The following CEP112 variants were observed in gnomAD, a reference collection of about 807,000 sequenced individuals.
CEP112 encodes centrosomal protein of 112 kDa.
In CEP112, 127 loss-of-function variants were observed where a neutral mutation model predicts 153.0. The ratio of observed to expected loss-of-function variants is 0.83; its 90% CI spans 0.72 to 0.96. The LOEUF is 0.96. Among genes scored for constraint, CEP112 ranks in the 40% least tolerant of loss-of-function variants. The probability of loss-of-function intolerance (pLI) is 0.00; values close to 1 mark genes in which losing one functional copy is unlikely to be tolerated. For synonymous variants in CEP112, 358 were observed against 374.4 expected, an observed-to-expected ratio of 0.96 and a Z score of 0.51; for missense variants, 1,089 against 1,101.2, an observed-to-expected ratio of 0.99 and a Z score of 0.16.
At chr17:66,062,875 T>C (rs1444720571) in intron 11 of CEP112, 88 bp downstream of exon 11, 3 of 622,948 alleles carry the variant, frequency 4.8e-6, no homozygotes, top group East Asian at 3.1e-5. Context: ...TTTCTGTATA[T>C]TCTGTGAAAT....
Position 66,030,586 on chromosome 17 carries a change from C to A in CEP112, c.1219-563G>T, listed in dbSNP as rs1018224030. ...AAGATTTTTATTCATTTTTTAACAT[C>A]TTTGCCGTTTTGTAAAATGCACTTC... On this transcript the variant is annotated intron_variant, in intron 12 of 26. Coordinates refer to ENST00000535342, the MANE Select transcript of CEP112 (RefSeq NM_001199165.4). Among the ~76,000 whole-genome samples the A allele has an allele frequency of 1.8e-4, 28 of 151,854 alleles. 1 individual carries two copies. The highest frequency in any genetic ancestry group is 2.4e-4 in the Non-Finnish European group (16 of 67,920).
intron 21 of CEP112, among the ~76,000 whole-genome samples, chr17:65,787,852 A>T (rs544803686): frequency 2.0e-5 from 3 of 152,224 alleles, no homozygotes; most frequent in Non-Finnish European, 4.4e-5. Context: ...ACAGACAATC[A>T]TATCATCAGT....
intron 20 of CEP112, among the ~76,000 whole-genome samples, chr17:65,870,274 G>C (rs369363424): frequency 5.3e-5 from 8 of 152,114 alleles, no homozygotes; most frequent in African/African-American, 1.9e-4. Flanking sequence ...GAAATTTCTA[G>C]TTTTATTTTA....
chr17:65,654,008 G>A (rs371862141), intron 24 of CEP112, among the ~76,000 whole-genome samples: 184 of 138,406 alleles, frequency 1.3e-3, no homozygotes, highest in African/African-American at 4.1e-3. Context: ...GCAGTAAGCC[G>A]AGATTGCGCC....
At chr17:66,046,419 A>C (rs2066212912) in intron 12 of CEP112, among the ~76,000 whole-genome samples, 1 of 152,190 alleles carries the variant, frequency 6.6e-6, no homozygotes, top group Non-Finnish European at 1.5e-5. Flanking sequence ...ATGGGTCCCA[A>C]ATTTGACTCT....
chr17:66,099,658 A>G (rs2068487462), intron 6 of CEP112, among the ~76,000 whole-genome samples: 1 of 152,172 alleles, frequency 6.6e-6, no homozygotes, highest in Non-Finnish European at 1.5e-5. Context: ...CACTTCCCAC[A>G]CAATCACTGG....
chr17:65,922,541 C>A (rs1009529709), intron 19 of CEP112, among the ~76,000 whole-genome samples: 1 of 151,956 alleles, frequency 6.6e-6, no homozygotes, highest in Non-Finnish European at 1.5e-5. Context: ...GTGCTGACAT[C>A]ATTTGGCCAC....
chr17:65,985,664 A>T (rs1242833974), intron 17 of CEP112, among the ~76,000 whole-genome samples: 1 of 152,190 alleles, frequency 6.6e-6, no homozygotes, highest in Non-Finnish European at 1.5e-5. Context: ...GAAAATGATG[A>T]TGTTTCTGGA....
In CEP112 at chr17:66,155,257, G is replaced by A. The variant is rs564719658; in HGVS notation, c.470+19787C>T. Among the ~76,000 whole-genome samples the A allele has an allele frequency of 2.6e-3, 389 of 152,254 alleles. 1 individual carries two copies. The highest frequency in any genetic ancestry group is 9.0e-3 in the African/African-American group (376 of 41,550). On this transcript the variant is annotated intron_variant, in intron 4 of 26. Coordinates refer to ENST00000535342, the MANE Select transcript of CEP112 (RefSeq NM_001199165.4). ...CACAGAGGGCGAGCCGAAGCAGGGT[G>A]GGGTGATGCCTCACACAGGAAGTAC... is the stretch of plus-strand genomic sequence containing the variant.
At chr17:65,775,499 T>C (rs1167917321) in intron 21 of CEP112, among the ~76,000 whole-genome samples, 1 of 120,786 alleles carries the variant, frequency 8.3e-6, no homozygotes, top group Non-Finnish European at 2.0e-5. Context: ...TAAAATTTTA[T>C]TTTAAATTTT....
At chr17:66,029,764 C>A in intron 13 of CEP112, 105 bp downstream of exon 13, 1 of 946,232 alleles carries the variant, frequency 1.1e-6, no homozygotes. Flanking sequence ...TAGAAACTTC[C>A]CAAGGCTAAA....
At chr17:65,782,595 C>T (rs2054058754) in intron 21 of CEP112, among the ~76,000 whole-genome samples, 1 of 152,170 alleles carries the variant, frequency 6.6e-6, no homozygotes, top group South Asian at 2.1e-4. Context: ...AACCTAGGTG[C>T]CCATCAATGG....
intron 17 of CEP112, among the ~76,000 whole-genome samples, chr17:65,962,676 T>A (rs148026817): frequency 0.013 from 2,039 of 152,238 alleles, 42 homozygotes; most frequent in African/African-American, 0.046. Flanking sequence ...AGGGACCCAG[T>A]GGGAGATAAC....
At chr17:66,126,286 T>G (rs988073913) in intron 6 of CEP112, among the ~76,000 whole-genome samples, 3 of 152,204 alleles carry the variant, frequency 2.0e-5, no homozygotes, top group Non-Finnish European at 4.4e-5. Flanking sequence ...ATTCCTGACA[T>G]AGATCTTAAG....
At chr17:65,677,029 A>C (rs2047271467) in intron 24 of CEP112, among the ~76,000 whole-genome samples, 1 of 152,110 alleles carries the variant, frequency 6.6e-6, no homozygotes, top group Non-Finnish European at 1.5e-5. Context: ...GCTGCTACCT[A>C]ACTGAGCTGA....
intron 21 of CEP112, among the ~76,000 whole-genome samples, chr17:65,787,896 T>G (rs2054364760): frequency 6.6e-6 from 1 of 152,188 alleles, no homozygotes. Context: ...CTTTCTAATT[T>G]GTATCCTATT....
chr17:65,921,891 A>AT (rs60473139), intron 19 of CEP112, among the ~76,000 whole-genome samples: 3 of 151,954 alleles, frequency 2.0e-5, no homozygotes, highest in East Asian at 1.9e-4. Context: ...AAATTTATAT[A>AT]TTTTTTTTAC....
At chr17:65,812,030 G>A (rs2055991770) in intron 21 of CEP112, among the ~76,000 whole-genome samples, 1 of 151,068 alleles carries the variant, frequency 6.6e-6, no homozygotes, top group African/African-American at 2.4e-5. Flanking sequence ...TTGAGATGGA[G>A]TCTCACTCCA....
At chr17:65,639,828 CTT>C (rs1300379455) in intron 25 of CEP112, among the ~76,000 whole-genome samples, 7 of 118,078 alleles carry the variant, frequency 5.9e-5, no homozygotes, top group Non-Finnish European at 1.2e-4. Context: ...TTTTTTCTCT[CTT>C]TCTTTCTTTT....
Sources: gnomAD v4.1 joint callset for allele counts (sites outside exome capture counted in the v4.1 genomes callset) on GRCh38, gnomAD v4.1.1 for gene constraint, MANE v1.5 for transcripts, NCBI Gene and HGNC (gene_info 2026-07-23, HGNC 2026-07-21) for gene names.